Variants in FAM120A observed in about 807,000 individuals in gnomAD.
FAM120A encodes family with sequence similarity 120 member A, also known as constitutive coactivator of PPAR-gamma-like protein 1.
FAM120A carries 15 observed loss-of-function variants against 109.7 expected under a neutral mutation model. The observed-to-expected ratio is 0.14, with a 90% CI of 0.09 to 0.21. The LOEUF is 0.21. Among genes scored for constraint, FAM120A ranks in the 10% least tolerant of loss-of-function variants. The pLI, the probability that FAM120A is intolerant of heterozygous loss-of-function variation, is 1.00. For synonymous variants in FAM120A, 493 were observed against 572.8 expected (o/e 0.86, Z 1.99); for missense variants, 899 against 1,439.3 (o/e 0.62, Z 6.07).
At chr9:93,494,974 G>A (rs768652628) in intron 3 of FAM120A, among the ~76,000 whole-genome samples, 7 of 152,152 alleles carry the variant, frequency 4.6e-5, no homozygotes, top group Non-Finnish European at 7.3e-5. Context: ...CGTCATGAAC[G>A]TGAAGGCCAC....
chr9:93,560,074 G>T (rs1587641588), intron 15 of FAM120A, among the ~76,000 whole-genome samples: 1 of 152,168 alleles, frequency 6.6e-6, no homozygotes, highest in Non-Finnish European at 1.5e-5. Flanking sequence ...AGAGAGAATT[G>T]CTTGAGGCAG....
intron 1 of FAM120A, among the ~76,000 whole-genome samples, chr9:93,463,472 A>G (rs1395089394): frequency 6.6e-6 from 1 of 152,202 alleles, no homozygotes; most frequent in African/African-American, 2.4e-5. Context: ...TAACATTTAA[A>G]TTGCCCTTTA....
chr9:93,457,364 TATATA>T (rs1180760355), intron 1 of FAM120A, among the ~76,000 whole-genome samples: 4 of 151,446 alleles, frequency 2.6e-5, no homozygotes, highest in African/African-American at 7.3e-5. Flanking sequence ...TGTCATAAGT[TATATA>T]ATATATATTA....
At chr9:93,485,254 C>A (rs1197887054) in intron 3 of FAM120A, among the ~76,000 whole-genome samples, 1 of 152,042 alleles carries the variant, frequency 6.6e-6, no homozygotes, top group South Asian at 2.1e-4. Flanking sequence ...AAATCTGGCA[C>A]CAGATTTGGT....
chr9:93,560,797 T>C (rs752393876), intron 15 of FAM120A, among the ~76,000 whole-genome samples: 11 of 152,218 alleles, frequency 7.2e-5, no homozygotes, highest in Non-Finnish European at 1.5e-4. Context: ...AGTTTGCAGA[T>C]TGCCATCTTG....
chr9:93,454,644 A>G (rs1409903128), intron 1 of FAM120A, among the ~76,000 whole-genome samples: 1 of 152,208 alleles, frequency 6.6e-6, no homozygotes, highest in Non-Finnish European at 1.5e-5. Context: ...AGCAAACATA[A>G]TTCTGGGGCT....
intron 15 of FAM120A, 62 bp downstream of exon 15, chr9:93,558,780 T>C (rs995827248): frequency 3.3e-5 from 52 of 1,582,538 alleles, no homozygotes; most frequent in Non-Finnish European, 4.5e-5. Context: ...CTCCATCGTC[T>C]GGCGCCTTCC....
chr9:93,529,890 G>T, intron 9 of FAM120A: 1 of 541,444 alleles, frequency 1.8e-6, no homozygotes, highest in Non-Finnish European at 3.2e-6. Context: ...TTCAATTTCA[G>T]AATTTTCTTA....
intron 5 of FAM120A, among the ~76,000 whole-genome samples, chr9:93,508,929 G>A (rs1860191315): frequency 6.6e-6 from 1 of 152,178 alleles, no homozygotes; most frequent in Non-Finnish European, 1.5e-5. Flanking sequence ...CTCGGAAGTT[G>A]GAAAGACAAT....
chr9:93,480,034 C>T (rs1329294462), intron 3 of FAM120A, among the ~76,000 whole-genome samples: 1 of 152,084 alleles, frequency 6.6e-6, no homozygotes, highest in African/African-American at 2.4e-5. Flanking sequence ...AGTAGTAGAT[C>T]GTGCTTATTA....
intron 3 of FAM120A, 133 bp from the exon 4 acceptor site, chr9:93,497,338 C>A: frequency 1.7e-6 from 2 of 1,158,582 alleles, no homozygotes; most frequent in Non-Finnish European, 2.5e-6. Context: ...CAAGATCTTA[C>A]AAGTGGACAA....
chr9:93,452,531 G>C lies in FAM120A; in HGVS notation c.474+142G>C, dbSNP rs200709426. 1.2e-4 allele frequency: 182 copies of C among 1,561,578 alleles called. No homozygotes were observed. In the East Asian group the frequency reaches 2.8e-3, roughly 24 times the overall value. The stretch of plus-strand genomic sequence containing the variant: ...AGCCCTTGCCCGGGATAGCCTGGCC[G>C]GGCCGGGCTGCAAGATGGATGGCCG... On this transcript the variant is annotated intron_variant, in intron 1 of 17. Coordinates refer to ENST00000277165, the MANE Select transcript of FAM120A (RefSeq NM_014612.5). The surrounding 1 kb of genome is among the most constrained non-coding windows in gnomAD (Gnocchi z 7.0).
chr9:93,476,048 G>T (rs1421301134), intron 2 of FAM120A, among the ~76,000 whole-genome samples: 1 of 152,192 alleles, frequency 6.6e-6, no homozygotes, highest in Non-Finnish European at 1.5e-5. Flanking sequence ...GTTGAATGCT[G>T]TTGGGACTGC....
At chr9:93,523,324 A>G (rs769577287) in intron 7 of FAM120A, 19 of 1,289,352 alleles carry the variant, frequency 1.5e-5, no homozygotes, top group Admixed American at 2.3e-5. Flanking sequence ...TTTCACAAAG[A>G]GAATTCCATC....
chr9:93,565,516 T>A lies in FAM120A; in HGVS notation c.*976T>A, dbSNP rs1862602939. The A allele has an allele frequency of 6.6e-6, 1 of 152,480 alleles. No homozygotes were observed. Among genetic ancestry groups the A allele is most frequent in the South Asian group, 2.1e-4 (1 of 4,826 alleles). 9.4% of individuals were successfully genotyped at this position (152,480 alleles called of 1,614,324 possible). ...ACTGATCTTGCTCTAACCTTAAAAT[T>A]TTGTGATTATTGACCTCTGTTGCAT... On this transcript the variant is annotated 3_prime_UTR_variant, in exon 18 of 18. Transcript: ENST00000277165.
intron 3 of FAM120A, 52 bp downstream of exon 3, chr9:93,476,390 TG>T: frequency 8.2e-7 from 1 of 1,216,236 alleles, no homozygotes; most frequent in East Asian, 2.3e-5. Context: ...ACTGTGAGTT[TG>T]CTATTACTTT....
chr9:93,478,060 G>GTCAGCTTGCTCCACCACT (rs1288563313), intron 3 of FAM120A, among the ~76,000 whole-genome samples: 9 of 152,174 alleles, frequency 5.9e-5, no homozygotes, highest in African/African-American at 1.9e-4. Flanking sequence ...CCATGAAAAT[G>GTCAGCTTGCTCCACCACT]TCAGCTTGCT....
Position 93,516,120 on chromosome 9 carries a change from C to G in FAM120A, c.1269C>G (p.His423Gln). 1 of 1,613,804 alleles carries G rather than the reference C, an allele frequency of 6.2e-7. No individual in the cohort carries two copies. The highest frequency in any genetic ancestry group is 8.5e-7 in the Non-Finnish European group (1 of 1,179,842). ...TEQNSYSNIPHEGKHTPLYER... is the reference protein window; with the variant it reads ...TEQNSYSNIPQEGKHTPLYER... ...AGAACAGCTACAGCAACATTCCTCACGAAGGGAAGCACACGCCGCTGTATG... is the reference window on the plus strand; with the variant it reads ...AGAACAGCTACAGCAACATTCCTCAGGAAGGGAAGCACACGCCGCTGTATG... The change falls in exon 7 of 18, where the codon CAC (histidine) becomes CAG (glutamine). Residue 423 changes from histidine to glutamine, a missense_variant. This residue lies in a region of FAM120A where 30 missense variants were observed against 32.5 expected (regional missense o/e 0.92). Transcript: ENST00000277165.
intron 11 of FAM120A, among the ~76,000 whole-genome samples, chr9:93,545,479 A>G (rs1027246807): frequency 2.0e-5 from 3 of 152,202 alleles, no homozygotes; most frequent in African/African-American, 7.2e-5. Context: ...CTTGGTCAGG[A>G]TCCCTGTGTG....
Sources: gnomAD v4.1 joint callset for allele counts (sites outside exome capture counted in the v4.1 genomes callset) on GRCh38, gnomAD v4.1.1 for gene constraint, gnomAD v4.1.1 regional missense constraint, Gnocchi (gnomAD v3.1) non-coding constraint, MANE v1.5 for transcripts, NCBI Gene and HGNC (gene_info 2026-07-23, HGNC 2026-07-21) for gene names.